Variants in PCDHB9 observed in about 807,000 individuals in gnomAD.
PCDHB9 encodes the protein protocadherin beta 9.
For missense variants in PCDHB9, 1,072 were observed against 995.1 expected (o/e 1.08, Z -1.04); for synonymous variants, 501 against 439.7 (o/e 1.14, Z -1.75).
In PCDHB9 at chr5:141,189,624, C is replaced by T. The variant is rs782067542; in HGVS notation, c.2306C>T (p.Pro769Leu). Residue 769 changes from proline (P) to leucine (L), a missense_variant, in exon 1 of 1, where the codon CCG becomes CTG. Physicochemically the swap from Pro to Leu is moderately conservative, Grantham distance 98 (BLOSUM62 -3). Transcript: ENST00000316105. Reference sequence around the variant, plus strand: ...ACCGGCGAGTTCAAGTTCTTGAAGCCGATTACCCCCCACCTCCCGCCCCAT... The same window carrying T: ...ACCGGCGAGTTCAAGTTCTTGAAGCTGATTACCCCCCACCTCCCGCCCCAT... ...SETGEFKFLK[P>L]ITPHLPPHRG... The T allele has an allele frequency of 1.2e-6, 2 of 1,614,046 alleles. No homozygotes were observed. Among genetic ancestry groups the T allele is most frequent in the Non-Finnish European group, 1.7e-6 (2 of 1,180,006 alleles).
chr5:141,188,918 T>A lies in PCDHB9; in HGVS notation c.1600T>A (p.Ser534Thr), dbSNP rs17844530. The part of the protein sequence containing the change: ...LQAFDFRVGA[S>T]DRGSPALSSE... ...GGCTTTCGACTTCCGCGTGGGCGCC[T>A]CAGACCGCGGCTCCCCGGCTTTGAG... The change falls in exon 1 of 1, where the codon TCA (serine) becomes ACA (threonine). Residue 534 changes from serine (S) to threonine (T), a missense_variant. Coordinates refer to ENST00000316105, the MANE Select transcript of PCDHB9 (RefSeq NM_019119.5). The A allele has an allele frequency of 7.4e-4, 1,192 of 1,612,090 alleles. 14 individuals are homozygous for A. The African/African-American group carries it at 0.012, about 16-fold the overall frequency.
In PCDHB9 at chr5:141,188,951, G is replaced by C. The variant is rs781863548; in HGVS notation, c.1633G>C (p.Ala545Pro). The C allele has an allele frequency of 6.2e-7, 1 of 1,611,880 alleles. No homozygotes were observed. Among genetic ancestry groups the C allele is most frequent in the South Asian group, 1.1e-5 (1 of 90,988 alleles). Reference sequence around the variant, plus strand: ...CGGCTCCCCGGCTTTGAGCAGCGAGGCGCTGGTGCGCGTACTGGTGCTGGA... The same window carrying C: ...CGGCTCCCCGGCTTTGAGCAGCGAGCCGCTGGTGCGCGTACTGGTGCTGGA... ...DRGSPALSSEALVRVLVLDAN... is the reference protein window; with the variant it reads ...DRGSPALSSEPLVRVLVLDAN... The change falls in exon 1 of 1, where the codon GCG becomes CCG. Residue 545 changes from alanine (A) to proline (P), a missense_variant. By Grantham distance (27) the Ala-to-Pro change is conservative. Coordinates refer to ENST00000316105, the MANE Select transcript of PCDHB9 (RefSeq NM_019119.5).
In PCDHB9 at chr5:141,189,615, T is replaced by C. The variant is rs1554283416; in HGVS notation, c.2297T>C (p.Phe766Ser). The change falls in exon 1 of 1, where the codon TTC becomes TCC. Residue 766 changes from phenylalanine (F) to serine (S), a missense_variant. Phe to Ser is a radical substitution (Grantham distance 155, BLOSUM62 -2). Coordinates refer to ENST00000316105, the MANE Select transcript of PCDHB9 (RefSeq NM_019119.5). ...GGTTCAGAGACCGGCGAGTTCAAGTTCTTGAAGCCGATTACCCCCCACCTC... is the reference window on the plus strand; with the variant it reads ...GGTTCAGAGACCGGCGAGTTCAAGTCCTTGAAGCCGATTACCCCCCACCTC... ...TGGSETGEFK[F>S]LKPITPHLPP... 5 of 1,613,958 alleles carry C rather than the reference T, an allele frequency of 3.1e-6. No individual in the cohort carries two copies. The highest frequency in any genetic ancestry group is 3.4e-6 in the Non-Finnish European group (4 of 1,179,980).
rs1563941512 is a variant in PCDHB9 at position 141,187,307 on chromosome 5, AAAG to A, written c.-8_-6del. 2.5e-6 allele frequency: 4 copies of A among 1,609,462 alleles called. No individual in the cohort carries two copies. In the Admixed American group the frequency reaches 5.0e-5, roughly 20 times the overall value. Reference sequence around the variant, plus strand: ...AGTGTGATTGAGACTGACATTGAGGAAAGAAGCAGCTATGAAGACCAGGGGGTT... The same window carrying A: ...AGTGTGATTGAGACTGACATTGAGGAAAGCAGCTATGAAGACCAGGGGGTT... On this transcript the variant is annotated 5_prime_UTR_variant, in exon 1 of 1. Coordinates refer to ENST00000316105, the MANE Select transcript of PCDHB9 (RefSeq NM_019119.5).
In PCDHB9 at chr5:141,188,261, T is replaced by C; in HGVS notation, c.943T>C (p.Tyr315His). The change falls in exon 1 of 1, where the codon TAC becomes CAC. Residue 315 changes from tyrosine (Y) to histidine (H), a missense_variant. Tyr to His is a moderately conservative substitution (Grantham distance 83). Transcript: ENST00000316105. Reference protein sequence around the residue: ...ELLDYELVNSYKINIQAMDGG... With the variant: ...ELLDYELVNSHKINIQAMDGG... ...GCTTGATTATGAGTTAGTAAATTCT[T>C]ACAAAATAAATATACAGGCAATGGA... 2 of 1,614,048 alleles carry C rather than the reference T, an allele frequency of 1.2e-6. No homozygotes were observed. Among genetic ancestry groups the C allele is most frequent in the Non-Finnish European group, 1.7e-6 (2 of 1,179,976 alleles).
chr5:141,189,262 C>G lies in PCDHB9; in HGVS notation c.1944C>G (p.Gly648=). 3 of 1,607,586 alleles carry G rather than the reference C, an allele frequency of 1.9e-6. No individual in the cohort carries two copies. The highest frequency in any genetic ancestry group is 1.7e-6 in the Non-Finnish European group (2 of 1,179,702). The change falls in exon 1 of 1, where the codon GGC becomes GGG. Residue 648 remains glycine, a synonymous_variant. Transcript: ENST00000316105. ...TGGTGGTGCTTGTCAAGGACAATGG[C>G]GAGCCTCCTCGCTCGGCCACCGCCA... ...HRLVVLVKDN[G]EPPRSATATL... is the part of the protein sequence containing the mutation.
chr5:141,189,352 G>A lies in PCDHB9; in HGVS notation c.2034G>A (p.Pro678=), dbSNP rs17844541. ...QPYLPLPEAA[P]AQAQADLLTV... ...ACCTGCCTCTCCCGGAGGCGGCCCC[G>A]GCCCAGGCCCAGGCCGACTTGCTCA... is the stretch of plus-strand genomic sequence containing the variant. Residue 678 remains proline (P), a synonymous_variant, in exon 1 of 1, where the codon CCG becomes CCA. Transcript: ENST00000316105. The A allele has an allele frequency of 2.5e-6, 4 of 1,611,368 alleles. No individual in the cohort carries two copies. The highest frequency in any genetic ancestry group is 4.5e-5 in the East Asian group (2 of 44,880).
Position 141,189,959 on chromosome 5 carries a change from T to A in PCDHB9, c.*247T>A. ...ATATCATTTAAAAATTTTTGGTCGT[T>A]TTAAATGTCTTTATTGACTTTAAAT... On this transcript the variant is annotated 3_prime_UTR_variant, in exon 1 of 1. Transcript: ENST00000316105. 2.7e-6 allele frequency: 1 copy of A among 368,600 alleles called. No homozygotes were observed. 22.8% of individuals were successfully genotyped at this position (368,600 alleles called of 1,614,324 possible).
In PCDHB9 at chr5:141,188,205, C is replaced by T. The variant is rs782597831; in HGVS notation, c.887C>T (p.Pro296Leu). ...EDILTTFQINPFSGEIFLREL... is the reference protein window; with the variant it reads ...EDILTTFQINLFSGEIFLREL... ...ATTTTAACAACGTTTCAAATCAATC[C>T]TTTTTCTGGGGAAATCTTTCTCAGA... The change falls in exon 1 of 1, where the codon CCT becomes CTT. Residue 296 changes from proline to leucine, a missense_variant. Transcript: ENST00000316105. 6.8e-6 allele frequency: 11 copies of T among 1,612,042 alleles called. No individual in the cohort carries two copies. In the Admixed American group the frequency reaches 1.2e-4, roughly 17 times the overall value.
In PCDHB9 at chr5:141,191,195, T is replaced by G. The variant is rs1753895994; in HGVS notation, c.*1483T>G. The G allele has an allele frequency of 6.6e-6, 1 of 152,038 alleles. No individual in the cohort carries two copies. Among genetic ancestry groups the G allele is most frequent in the Admixed American group, 6.6e-5 (1 of 15,246 alleles). The allele number at this position is 152,038 out of a possible 1,614,324, so 9.4% of individuals were successfully genotyped here. A position where few individuals can be genotyped will look rare whatever the true frequency, so the allele number is the denominator to read the frequency against. On this transcript the variant is annotated 3_prime_UTR_variant, in exon 1 of 1. Coordinates refer to ENST00000316105, the MANE Select transcript of PCDHB9 (RefSeq NM_019119.5). ...CTTGAACCCAGGAGGTGGAAGTTGC[T>G]TTGAGCCGAGATTGCACCATTGTAC...
At position 141,188,533 on chromosome 5, in the gene PCDHB9, T is replaced by A. The variant is rs1221668995; in HGVS notation, c.1215T>A (p.Thr405=). 4.3e-6 allele frequency: 7 copies of A among 1,614,084 alleles called. No homozygotes were observed. In the African/African-American group the frequency reaches 8.0e-5, roughly 18 times the overall value. Residue 405 remains threonine, a synonymous_variant, in exon 1 of 1, where the codon ACT becomes ACA. Transcript: ENST00000316105. ...TTGACAATTTTTACATCCTAATGAC[T>A]GAAGGTGCACTGGACAGAGAGAGCA... is the stretch of plus-strand genomic sequence containing the variant. ...PSVDNFYILM[T]EGALDRESKA...
At position 141,187,773 on chromosome 5, in the gene PCDHB9, TTAGAC is replaced by T. The variant is rs1409966937; in HGVS notation, c.460_464del (p.Leu154LysfsTer7). ...GAAAATACAGCTGAAGGGACAGCAT[TTAGAC>T]TAGAAAGAGCACAGGATCCAGATGA... On this transcript the variant is annotated frameshift_variant, in exon 1 of 1. Transcript: ENST00000316105. LOFTEE classifies it low-confidence loss of function (END_TRUNC). 6.2e-7 allele frequency: 1 copy of T among 1,613,994 alleles called. No individual in the cohort carries two copies. The highest frequency in any genetic ancestry group is 1.3e-5 in the African/African-American group (1 of 74,892).
In PCDHB9 at chr5:141,188,557, C is replaced by G; in HGVS notation, c.1239C>G (p.Ser413Arg). The change falls in exon 1 of 1, where the codon AGC (serine) becomes AGG (arginine). Residue 413 changes from serine to arginine, a missense_variant. Coordinates refer to ENST00000316105, the MANE Select transcript of PCDHB9 (RefSeq NM_019119.5). ...CTGAAGGTGCACTGGACAGAGAGAG[C>G]AAAGCTGAGTACAACATCACCATCA... is the stretch of plus-strand genomic sequence containing the variant. ...LMTEGALDRE[S>R]KAEYNITITV... 1.2e-6 allele frequency: 2 copies of G among 1,614,196 alleles called. No homozygotes were observed. Among genetic ancestry groups the G allele is most frequent in the Middle Eastern group, 1.6e-4 (1 of 6,062 alleles).
chr5:141,189,733 A>T lies in PCDHB9; in HGVS notation c.*21A>T, dbSNP rs1362476836. 8.5e-6 allele frequency: 13 copies of T among 1,534,498 alleles called. No homozygotes were observed. The highest frequency in any genetic ancestry group is 9.7e-6 in the Non-Finnish European group (11 of 1,138,358). On this transcript the variant is annotated 3_prime_UTR_variant, in exon 1 of 1. Transcript: ENST00000316105. Reference sequence around the variant, plus strand: ...ATTGAAAGGAACCCACTTAATAAAGACATTTACTTCTTTAATATATTCTTG... The same window carrying T: ...ATTGAAAGGAACCCACTTAATAAAGTCATTTACTTCTTTAATATATTCTTG...
Position 141,188,035 on chromosome 5 carries a change from C to T in PCDHB9, c.717C>T (p.Val239=), listed in dbSNP as rs1554282901. ...TGGTCTTGGATGTCAATGACAATGT[C>T]CCACAGTTTGCCCAGGCTCTGTATG... ...RIVVLDVNDN[V]PQFAQALYET... is the part of the protein sequence containing the mutation. Residue 239 remains valine (V), a synonymous_variant, in exon 1 of 1, where the codon GTC becomes GTT. Coordinates refer to ENST00000316105, the MANE Select transcript of PCDHB9 (RefSeq NM_019119.5). The T allele has an allele frequency of 3.1e-6, 5 of 1,613,914 alleles. No homozygotes were observed. Among genetic ancestry groups the T allele is most frequent in the Admixed American group, 3.3e-5 (2 of 59,984 alleles).
rs782252458 is a variant in PCDHB9 at position 141,189,373 on chromosome 5, G to C, written c.2055G>C (p.Leu685Phe). 1.2e-6 allele frequency: 2 copies of C among 1,611,710 alleles called. No individual in the cohort carries two copies. Among genetic ancestry groups the C allele is most frequent in the East Asian group, 2.2e-5 (1 of 44,876 alleles). ...CCCCGGCCCAGGCCCAGGCCGACTT[G>C]CTCACCGTCTACCTGGTGGTGGCGT... The part of the protein sequence containing the change: ...EAAPAQAQAD[L>F]LTVYLVVALA... Residue 685 changes from leucine (L) to phenylalanine (F), a missense_variant, in exon 1 of 1, where the codon TTG becomes TTC. Leu to Phe is a conservative substitution (Grantham distance 22). Transcript: ENST00000316105.
chr5:141,189,614 T>A lies in PCDHB9; in HGVS notation c.2296T>A (p.Phe766Ile), dbSNP rs1554283415. Reference sequence around the variant, plus strand: ...AGGTTCAGAGACCGGCGAGTTCAAGTTCTTGAAGCCGATTACCCCCCACCT... The same window carrying A: ...AGGTTCAGAGACCGGCGAGTTCAAGATCTTGAAGCCGATTACCCCCCACCT... ...TGGSETGEFKFLKPITPHLPP... is the reference protein window; with the variant it reads ...TGGSETGEFKILKPITPHLPP... The change falls in exon 1 of 1, where the codon TTC (phenylalanine) becomes ATC (isoleucine). Residue 766 changes from phenylalanine to isoleucine, a missense_variant. Physicochemically the swap from Phe to Ile is conservative, Grantham distance 21 (BLOSUM62 0). Transcript: ENST00000316105. The A allele has an allele frequency of 6.2e-7, 1 of 1,614,014 alleles. No individual in the cohort carries two copies. Among genetic ancestry groups the A allele is most frequent in the Non-Finnish European group, 8.5e-7 (1 of 1,180,010 alleles).
rs1753810704 is a variant in PCDHB9, at chr5:141,188,790, T to C, written c.1472T>C (p.Leu491Pro). 15 of 1,612,828 alleles carry C rather than the reference T, an allele frequency of 9.3e-6. No individual in the cohort carries two copies. Among genetic ancestry groups the C allele is most frequent in the African/African-American group, 1.3e-5 (1 of 74,882 alleles). The change falls in exon 1 of 1, where the codon CTG (leucine) becomes CCG (proline). Residue 491 changes from leucine to proline, a missense_variant. Coordinates refer to ENST00000316105, the MANE Select transcript of PCDHB9 (RefSeq NM_019119.5). ...GTNAQVTYSL[L>P]PPQDPHLPLA... ...AACGCCCAGGTCACCTACTCGCTGC[T>C]GCCGCCCCAGGACCCACACCTGCCC...
In PCDHB9 at chr5:141,188,041, G is replaced by A. The variant is rs782289805; in HGVS notation, c.723G>A (p.Gln241=). 1 of 1,613,906 alleles carries A rather than the reference G, an allele frequency of 6.2e-7. No homozygotes were observed. Among genetic ancestry groups the A allele is most frequent in the South Asian group, 1.1e-5 (1 of 91,072 alleles). The change falls in exon 1 of 1, where the codon CAG becomes CAA. Residue 241 remains glutamine, a synonymous_variant. Coordinates refer to ENST00000316105, the MANE Select transcript of PCDHB9 (RefSeq NM_019119.5). The part of the protein sequence containing the change: ...VVLDVNDNVP[Q]FAQALYETQA... ...TGGATGTCAATGACAATGTCCCACA[G>A]TTTGCCCAGGCTCTGTATGAGACCC...
Sources: gnomAD v4.1 joint callset for allele counts on GRCh38, gnomAD v4.1.1 for gene constraint, MANE v1.5 for transcripts, NCBI Gene and HGNC (gene_info 2026-07-23, HGNC 2026-07-21) for gene names.